The following IDE variants were observed in gnomAD, a reference collection of about 807,000 sequenced individuals.
IDE encodes the protein insulin-degrading enzyme.
IDE carries 58 observed loss-of-function variants against 133.2 expected under a neutral mutation model. That is an observed-to-expected ratio of 0.44 (90% CI 0.35 to 0.54). The LOEUF is 0.54. Among genes scored for constraint, IDE ranks in the 20% least tolerant of loss-of-function variants. IDE has a pLI of 0.00. For missense variants in IDE, 981 were observed against 1,234.0 expected (o/e 0.79, Z 3.07); for synonymous variants, 396 against 421.3 (o/e 0.94, Z 0.73).
In IDE at chr10:92,534,727, A is replaced by G. The variant is rs754171203; in HGVS notation, c.342T>C (p.Leu114=). ...AGLSHFCEHM[L]FLGTKKYPKE... ...TAGGGTATTTCTTTGTTCCCAAAAA[A>G]AGCATATGTTCACAAAAATGACTTA... Residue 114 remains leucine, a synonymous_variant, in exon 3 of 25, where the codon CTT becomes CTC. Coordinates refer to ENST00000265986, the MANE Select transcript of IDE (RefSeq NM_004969.4). The G allele has an allele frequency of 6.2e-7, 1 of 1,613,978 alleles. No individual in the cohort carries two copies. The highest frequency in any genetic ancestry group is 8.5e-7 in the Non-Finnish European group (1 of 1,179,962).
At chr10:92,569,057 T>C (rs1843677339) in intron 1 of IDE, among the ~76,000 whole-genome samples, 1 of 152,166 alleles carries the variant, frequency 6.6e-6, no homozygotes, top group Admixed American at 6.6e-5. Flanking sequence ...CACAATGTTT[T>C]TAAAAATTAT....
At position 92,531,800 on chromosome 10, in the gene IDE, T is replaced by C. The variant is rs145490117; in HGVS notation, c.609A>G (p.Gln203=). 59 of 1,606,188 alleles carry C rather than the reference T, an allele frequency of 3.7e-5. No individual in the cohort carries two copies. The African/African-American group carries it at 5.7e-4, about 16-fold the overall frequency. ...NVMNDAWRLF[Q]LEKATGNPKH... The stretch of plus-strand genomic sequence containing the variant: ...TAGGATTCCCTGTAGCTTTTTCCAA[T>C]TGAAAGAGTCTCCAGGCATCATTCA... Residue 203 remains glutamine (Q), a synonymous_variant, in exon 4 of 25, where the codon CAA becomes CAG. Coordinates refer to ENST00000265986, the MANE Select transcript of IDE (RefSeq NM_004969.4).
At chr10:92,535,960 T>G (rs944324345) in intron 2 of IDE, among the ~76,000 whole-genome samples, 1 of 151,526 alleles carries the variant, frequency 6.6e-6, no homozygotes, top group Non-Finnish European at 1.5e-5. Flanking sequence ...TGCTTGAACC[T>G]TGAAGGTGGG....
chr10:92,539,777 A>T (rs1842207076), intron 1 of IDE, among the ~76,000 whole-genome samples: 1 of 151,946 alleles, frequency 6.6e-6, no homozygotes, highest in African/African-American at 2.4e-5. Context: ...AAAAAAAAAA[A>T]TTATTTTCTT....
chr10:92,474,941 A>G lies in IDE; in HGVS notation c.2016T>C (p.Asn672=). ...GCTGGTGAGGCTGTTCAGCCCGGAAATTGTTAAGAGATCGCATATACTAGT... is the reference window on the plus strand; with the variant it reads ...GCTGGTGAGGCTGTTCAGCCCGGAAGTTGTTAAGAGATCGCATATACTAGT... ...IKEAYMRSLN[N]FRAEQPHQHA... is the part of the protein sequence containing the mutation. Residue 672 remains asparagine, a synonymous_variant, in exon 17 of 25, where the codon AAT becomes AAC. Coordinates refer to ENST00000265986, the MANE Select transcript of IDE (RefSeq NM_004969.4). The G allele has an allele frequency of 6.2e-7, 1 of 1,612,284 alleles. No homozygotes were observed. Among genetic ancestry groups the G allele is most frequent in the South Asian group, 1.1e-5 (1 of 90,750 alleles).
At chr10:92,541,204 A>C (rs930407232) in intron 1 of IDE, 3 of 302,512 alleles carry the variant, frequency 9.9e-6, no homozygotes, top group Admixed American at 9.0e-5. Context: ...AACATTTTCA[A>C]ACAAAACCTA....
At chr10:92,509,333 C>T (rs923688792) in intron 6 of IDE, among the ~76,000 whole-genome samples, 10 of 152,112 alleles carry the variant, frequency 6.6e-5, no homozygotes, top group African/African-American at 2.4e-4. Flanking sequence ...TGGCTCACAC[C>T]TATAATCCTC....
intron 11 of IDE, among the ~76,000 whole-genome samples, chr10:92,499,713 G>A (rs1564626409): frequency 6.6e-6 from 1 of 152,190 alleles, no homozygotes; most frequent in Admixed American, 6.5e-5. Flanking sequence ...TTATGGGTGT[G>A]AACCACTGTG....
chr10:92,465,875 C>A, intron 19 of IDE, 32 bp from the exon 20 acceptor site: 1 of 1,605,706 alleles, frequency 6.2e-7, no homozygotes, highest in South Asian at 1.1e-5. Flanking sequence ...GCAGCAAGTT[C>A]AAAAACTTAT....
intron 6 of IDE, 65 bp downstream of exon 6, chr10:92,509,985 G>T: frequency 1.4e-6 from 1 of 696,582 alleles, no homozygotes; most frequent in Non-Finnish European, 2.4e-6. Flanking sequence ...CCTGTTCTAT[G>T]GTAAACTAGG....
rs1288614631 is a variant in IDE, at chr10:92,570,051, A to AGTGAGCCAAGATC, written c.98+3858_98+3870dup. Among the ~76,000 whole-genome samples the AGTGAGCCAAGATC allele has an allele frequency of 2.0e-5, 3 of 152,098 alleles. No individual in the cohort carries two copies. In the East Asian group the frequency reaches 5.8e-4, roughly 29 times the overall value. On this transcript the variant is annotated intron_variant, in intron 1 of 24. Transcript: ENST00000265986. ...CTTGAACCCGGGAGGTGGAAGTTGCAGTGAGCCAAGATCGTGTCACTCTCC... is the reference window on the plus strand; with the variant it reads ...CTTGAACCCGGGAGGTGGAAGTTGCAGTGAGCCAAGATCGTGAGCCAAGATCGTGTCACTCTCC...
intron 12 of IDE, among the ~76,000 whole-genome samples, chr10:92,489,284 G>A (rs1347844533): frequency 6.6e-6 from 1 of 152,188 alleles, no homozygotes; most frequent in African/African-American, 2.4e-5. Flanking sequence ...GGGTGTGGTG[G>A]CTCACAGCTG....
At chr10:92,520,367 C>G (rs1392675418) in intron 4 of IDE, among the ~76,000 whole-genome samples, 2 of 152,060 alleles carry the variant, frequency 1.3e-5, no homozygotes, top group African/African-American at 4.8e-5. Flanking sequence ...AATTTATTTT[C>G]CTGGAAAATT....
chr10:92,539,219 A>C (rs979649880), intron 1 of IDE, among the ~76,000 whole-genome samples: 3 of 151,274 alleles, frequency 2.0e-5, no homozygotes, highest in Admixed American at 2.0e-4. Context: ...CCTCTCTTAC[A>C]GTGCTGATAG....
chr10:92,468,829 A>G (rs777570320), intron 19 of IDE, 50 bp downstream of exon 19: 13 of 949,612 alleles, frequency 1.4e-5, no homozygotes, highest in Non-Finnish European at 1.9e-5. Flanking sequence ...AATCACCCAC[A>G]CTGTTATGTC....
At chr10:92,552,296 A>C (rs1367603730) in intron 1 of IDE, among the ~76,000 whole-genome samples, 1 of 152,222 alleles carries the variant, frequency 6.6e-6, no homozygotes, top group Non-Finnish European at 1.5e-5. Context: ...AGGAAATAAG[A>C]AAGTAAATTG....
chr10:92,551,104 G>A (rs1268941596), intron 1 of IDE, among the ~76,000 whole-genome samples: 4 of 152,186 alleles, frequency 2.6e-5, no homozygotes, highest in Non-Finnish European at 4.4e-5. Context: ...TATTTGTACA[G>A]CTATGTTCAT....
At chr10:92,498,886 T>C (rs867579229) in intron 11 of IDE, among the ~76,000 whole-genome samples, 5 of 152,232 alleles carry the variant, frequency 3.3e-5, no homozygotes, top group Admixed American at 2.6e-4. Flanking sequence ...TTAGTAAATC[T>C]ATAGCTCTTT....
intron 1 of IDE, among the ~76,000 whole-genome samples, chr10:92,555,185 T>C (rs1027434119): frequency 6.6e-6 from 1 of 152,126 alleles, no homozygotes; most frequent in African/African-American, 2.4e-5. Flanking sequence ...ATTCTGATGG[T>C]ATTGTGATGA....
Sources: gnomAD v4.1 joint callset for allele counts (sites outside exome capture counted in the v4.1 genomes callset) on GRCh38, gnomAD v4.1.1 for gene constraint, MANE v1.5 for transcripts, NCBI Gene and HGNC (gene_info 2026-07-23, HGNC 2026-07-21) for gene names.